The following ZNF79 variants were observed in gnomAD, a reference collection of about 807,000 sequenced individuals.
ZNF79 encodes the protein ZNFpT7.
Under a neutral mutation model 14.9 loss-of-function variants are expected in ZNF79, and 13 were observed. The ratio of observed to expected loss-of-function variants is 0.87; its 90% CI spans 0.57 to 1.38. The LOEUF is 1.38. ZNF79 is among the 40% of genes most tolerant of loss of function. The probability of loss-of-function intolerance (pLI) is 0.00; values close to 1 mark genes in which losing one functional copy is unlikely to be tolerated. For missense variants in ZNF79, 631 were observed against 630.6 expected (o/e 1.00, Z -0.01); for synonymous variants, 223 against 235.1 (o/e 0.95, Z 0.47).
rs183245376 is a variant in ZNF79 at position 127,445,129 on chromosome 9, G to C, written c.1429G>C (p.Glu477Gln). Reference protein sequence around the residue: ...HTGVKPYECSECGKAFRCSSA... With the variant: ...HTGVKPYECSQCGKAFRCSSA... ...AGGCGTGAAACCCTACGAATGCAGC[G>C]AGTGTGGGAAGGCCTTCCGGTGCAG... The change falls in exon 5 of 5, where the codon GAG becomes CAG. Residue 477 changes from glutamate (E) to glutamine (Q), a missense_variant. Coordinates refer to ENST00000342483, the MANE Select transcript of ZNF79 (RefSeq NM_007135.3). 1.9e-6 allele frequency: 3 copies of C among 1,614,050 alleles called. No individual in the cohort carries two copies. The highest frequency in any genetic ancestry group is 2.5e-6 in the Non-Finnish European group (3 of 1,179,996).
At chr9:127,434,923 T>C (rs987984962) in intron 2 of ZNF79, among the ~76,000 whole-genome samples, 167 bp from the exon 3 acceptor site, 2 of 152,182 alleles carry the variant, frequency 1.3e-5, no homozygotes, top group Non-Finnish European at 2.9e-5. Flanking sequence ...CCCAAGGCGC[T>C]GGGAGTACAG....
intron 1 of ZNF79, among the ~76,000 whole-genome samples, chr9:127,425,245 G>C (rs910380825): frequency 1.3e-5 from 2 of 152,206 alleles, no homozygotes; most frequent in Non-Finnish European, 2.9e-5. Flanking sequence ...GTGGAGGACA[G>C]GGGAATTTGC....
intron 4 of ZNF79, among the ~76,000 whole-genome samples, chr9:127,436,680 C>T (rs1453434530): frequency 6.6e-6 from 1 of 152,236 alleles, no homozygotes; most frequent in Non-Finnish European, 1.5e-5. Flanking sequence ...GACCCAGTCA[C>T]TTTTGAATGT....
intron 3 of ZNF79, 34 bp downstream of exon 3, chr9:127,435,250 C>T (rs1833927385): frequency 5.1e-6 from 8 of 1,554,710 alleles, no homozygotes; most frequent in Non-Finnish European, 6.1e-6. Context: ...TTTAGAATCA[C>T]TCAATTCTGA....
intron 1 of ZNF79, among the ~76,000 whole-genome samples, chr9:127,426,429 C>T (rs1833755535): frequency 6.8e-6 from 1 of 146,614 alleles, no homozygotes; most frequent in African/African-American, 2.5e-5. Context: ...GGCTGGAGTG[C>T]GATGGTGCGA....
intron 3 of ZNF79, 34 bp from the exon 4 acceptor site, chr9:127,435,874 C>A (rs763974160): frequency 3.1e-6 from 5 of 1,591,614 alleles, no homozygotes; most frequent in Non-Finnish European, 2.6e-6. Context: ...TACTTACTTA[C>A]AATTTCTAAA....
chr9:127,424,840 G>A (rs139667368), intron 1 of ZNF79, 37 bp downstream of exon 1: 2 of 1,612,932 alleles, frequency 1.2e-6, no homozygotes, highest in Non-Finnish European at 1.7e-6. Context: ...TCAAGAGATC[G>A]GCTGCTGCTT....
intron 2 of ZNF79, among the ~76,000 whole-genome samples, chr9:127,429,531 A>G (rs994064032): frequency 2.6e-4 from 38 of 146,130 alleles, no homozygotes; most frequent in Admixed American, 6.9e-5. Flanking sequence ...GGGTTTTGCC[A>G]TGTTGCCCAG....
intron 4 of ZNF79, among the ~76,000 whole-genome samples, chr9:127,440,681 GC>G (rs1459932625): frequency 1.3e-5 from 2 of 152,218 alleles, no homozygotes; most frequent in Non-Finnish European, 2.9e-5. Context: ...GACATTCGAG[GC>G]TCAGGCATGG....
At chr9:127,426,380 T>C (rs1268897685) in intron 1 of ZNF79, among the ~76,000 whole-genome samples, 1 of 151,476 alleles carries the variant, frequency 6.6e-6, no homozygotes, top group Non-Finnish European at 1.5e-5. Flanking sequence ...GACTTTTTTT[T>C]TTTTTTTTTT....
At chr9:127,443,463 TTAAG>T (rs1564238199) in intron 4 of ZNF79, among the ~76,000 whole-genome samples, 1 of 145,084 alleles carries the variant, frequency 6.9e-6, no homozygotes. Flanking sequence ...TAGTTGTTTA[TTAAG>T]TATTATGTGC....
intron 1 of ZNF79, among the ~76,000 whole-genome samples, chr9:127,428,338 G>A (rs542976736): frequency 1.3e-5 from 2 of 152,244 alleles, no homozygotes; most frequent in Admixed American, 1.3e-4. Flanking sequence ...TTTATATATG[G>A]TGTGAAGTGA....
rs773134903 is a variant in ZNF79 at position 127,444,896 on chromosome 9, G to C, written c.1196G>C (p.Ser399Thr). Residue 399 changes from serine to threonine, a missense_variant, in exon 5 of 5, where the codon AGC (serine) becomes ACC (threonine). Coordinates refer to ENST00000342483, the MANE Select transcript of ZNF79 (RefSeq NM_007135.3). The stretch of plus-strand genomic sequence containing the variant: ...TGCAGCGAGTGTGGGAAGGCCTTCA[G>C]CCAGAGTACCAATCTCATAATCCAC... Reference protein sequence around the residue: ...YKCSECGKAFSQSTNLIIHQK... With the variant: ...YKCSECGKAFTQSTNLIIHQK... The C allele has an allele frequency of 6.2e-7, 1 of 1,614,178 alleles. No homozygotes were observed. The highest frequency in any genetic ancestry group is 2.2e-5 in the East Asian group (1 of 44,892).
intron 2 of ZNF79, among the ~76,000 whole-genome samples, chr9:127,432,979 A>T (rs1481536514): frequency 6.6e-6 from 1 of 152,122 alleles, no homozygotes; most frequent in East Asian, 1.9e-4. Context: ...ATGGGGTTTC[A>T]CCATGTTGGC....
chr9:127,430,034 T>C (rs1419583909), intron 2 of ZNF79, among the ~76,000 whole-genome samples: 1 of 152,094 alleles, frequency 6.6e-6, no homozygotes, highest in Non-Finnish European at 1.5e-5. Flanking sequence ...CAGGCTGGCC[T>C]GGAACTCCTG....
chr9:127,428,974 T>C, intron 2 of ZNF79, 54 bp downstream of exon 2: 1 of 1,208,218 alleles, frequency 8.3e-7, no homozygotes. Flanking sequence ...CTAATACTAA[T>C]GGTAGGGTTG....
chr9:127,434,530 T>A (rs1800708148), intron 2 of ZNF79, among the ~76,000 whole-genome samples: 1 of 152,190 alleles, frequency 6.6e-6, no homozygotes, highest in Non-Finnish European at 1.5e-5. Context: ...ATACACACGC[T>A]CTATTTATAC....
At chr9:127,441,944 CAAA>C (rs35456595) in intron 4 of ZNF79, among the ~76,000 whole-genome samples, 2 of 107,772 alleles carry the variant, frequency 1.9e-5, no homozygotes, top group African/African-American at 6.9e-5. Flanking sequence ...GACTCCGTCT[CAAA>C]AAAAAAAAAA....
intron 4 of ZNF79, among the ~76,000 whole-genome samples, chr9:127,438,426 A>T (rs773248825): frequency 6.6e-6 from 1 of 152,166 alleles, no homozygotes; most frequent in Non-Finnish European, 1.5e-5. Flanking sequence ...GGGAGCTTTC[A>T]TGCCTTCCCT....
Sources: allele counts gnomAD v4.1 joint callset (sites outside exome capture counted in the v4.1 genomes callset), GRCh38; gene constraint gnomAD v4.1.1; transcripts MANE v1.5; gene names NCBI Gene and HGNC (gene_info 2026-07-23, HGNC 2026-07-21).